Variants in ABCC9 observed in about 807,000 individuals in gnomAD.
The protein encoded by ABCC9 is ATP-binding cassette sub-family C member 9.
In ABCC9, 95 loss-of-function variants were observed where a neutral mutation model predicts 188.3. The ratio of observed to expected loss-of-function variants is 0.50; its 90% CI spans 0.43 to 0.60. The LOEUF (loss-of-function observed/expected upper bound fraction) is 0.60. Among genes scored for constraint, ABCC9 ranks in the 20% least tolerant of loss-of-function variants. The pLI is 0.00. For synonymous variants in ABCC9, 659 were observed against 652.7 expected (o/e 1.01, Z -0.15); for missense variants, 1,102 against 1,876.3 (o/e 0.59, Z 7.62).
intron 31 of ABCC9, among the ~76,000 whole-genome samples, chr12:21,823,240 T>C (rs2137233738): frequency 6.6e-6 from 1 of 152,320 alleles, no homozygotes; most frequent in African/African-American, 2.4e-5. Flanking sequence ...AAGATTCCCA[T>C]GTCGAAAGAG....
chr12:21,860,832 G>T, intron 21 of ABCC9, 139 bp downstream of exon 21: 1 of 689,050 alleles, frequency 1.5e-6, no homozygotes, highest in Non-Finnish European at 2.5e-6. Context: ...TCCCATCCTT[G>T]GTTTTCTGGA....
rs1949666423 is a variant in ABCC9 at position 21,941,095 on chromosome 12, G to A, written c.-137+105C>T. ...AGTGCCGAGAAGTGCGAGAGAGTGC[G>A]AGGGCGTTTTTGGATAGCAGAAATG... On this transcript the variant is annotated intron_variant, in intron 1 of 39. Transcript: ENST00000261200. This position sits in a 1 kb window ranked among gnomAD's most constrained non-coding sequence, Gnocchi z 5.4. The A allele has an allele frequency of 6.6e-6, 1 of 152,226 alleles. No homozygotes were observed. Among genetic ancestry groups the A allele is most frequent in the South Asian group, 2.1e-4 (1 of 4,838 alleles). The allele number at this position is 152,226 out of a possible 1,614,324, so 9.4% of individuals were successfully genotyped here.
intron 29 of ABCC9, among the ~76,000 whole-genome samples, chr12:21,841,707 T>C (rs941794121): frequency 3.3e-5 from 5 of 152,084 alleles, no homozygotes; most frequent in African/African-American, 9.7e-5. Flanking sequence ...AAAAGGACCA[T>C]GGAGTGAAAA....
chr12:21,812,824 T>C (rs556813325), intron 35 of ABCC9, among the ~76,000 whole-genome samples: 34 of 152,270 alleles, frequency 2.2e-4, no homozygotes, highest in African/African-American at 7.7e-4. Context: ...GTTCTGCACA[T>C]GTACCCCAGA....
At chr12:21,913,913 C>T (rs1370164857) in intron 7 of ABCC9, among the ~76,000 whole-genome samples, 3 of 152,092 alleles carry the variant, frequency 2.0e-5, no homozygotes, top group Non-Finnish European at 2.9e-5. Flanking sequence ...TTTATGTAGA[C>T]GTTAACACAC....
rs1360363021 is a variant in ABCC9, at chr12:21,845,624, G to A, written c.3075C>T (p.Asn1025=). The change falls in exon 26 of 40, where the codon AAC becomes AAT. Residue 1025 remains asparagine, a synonymous_variant. Coordinates refer to ENST00000261200, the MANE Select transcript of ABCC9 (RefSeq NM_020297.4). The part of the protein sequence containing the change: ...LATWTSEYSI[N]NTGKADQTYY... ...GTACCTGATCAGCTTTTCCAGTATT[G>A]TTTATACTGTACTCCGATGTCCATG... 2 of 1,613,134 alleles carry A rather than the reference G, an allele frequency of 1.2e-6. No individual in the cohort carries two copies. Among genetic ancestry groups the A allele is most frequent in the Non-Finnish European group, 1.7e-6 (2 of 1,179,462 alleles).
chr12:21,862,588 TC>T (rs1945575722), intron 20 of ABCC9, among the ~76,000 whole-genome samples: 2 of 152,114 alleles, frequency 1.3e-5, no homozygotes, highest in Non-Finnish European at 2.9e-5. Flanking sequence ...ATATTCTTCT[TC>T]TTTTCACAAT....
intron 19 of ABCC9, among the ~76,000 whole-genome samples, chr12:21,863,642 T>A (rs1945637295): frequency 6.6e-6 from 1 of 152,178 alleles, no homozygotes; most frequent in East Asian, 1.9e-4. Flanking sequence ...GCTTATATTT[T>A]AAAAATAACT....
intron 34 of ABCC9, among the ~76,000 whole-genome samples, chr12:21,815,208 A>G (rs984049681): frequency 6.6e-6 from 1 of 151,940 alleles, no homozygotes; most frequent in Non-Finnish European, 1.5e-5. Flanking sequence ...AAAATATAAA[A>G]ACAGTTCTCA....
Position 21,904,888 on chromosome 12 carries a change from A to G in ABCC9, c.1618+1238T>C, listed in dbSNP as rs1423051640. Among the ~76,000 whole-genome samples the G allele has an allele frequency of 1.9e-4, 29 of 152,362 alleles. No homozygotes were observed. The East Asian group carries it at 4.8e-3, about 25-fold the overall frequency. ...CAGTGTGGTGATTCCTCAAGGATCTAGAACTAGAAATACCATTTGACCCAG... is the reference window on the plus strand; with the variant it reads ...CAGTGTGGTGATTCCTCAAGGATCTGGAACTAGAAATACCATTTGACCCAG... On this transcript the variant is annotated intron_variant, in intron 12 of 39. Transcript: ENST00000261200.
In ABCC9 at chr12:21,887,594, T is replaced by G. The variant is rs190296916; in HGVS notation, c.1911+232A>C. Among the ~76,000 whole-genome samples the G allele has an allele frequency of 8.8e-4, 134 of 152,296 alleles. 2 individuals carry two copies. Among genetic ancestry groups the G allele is most frequent in the Non-Finnish European group, 7.2e-4 (49 of 68,010 alleles). On this transcript the variant is annotated intron_variant, in intron 15 of 39. Transcript: ENST00000261200. ...GCAAACTCTCAATTTCCTTTTGAATTAAACACGTCTTGTCTCTTAGGATAA... is the reference window on the plus strand; with the variant it reads ...GCAAACTCTCAATTTCCTTTTGAATGAAACACGTCTTGTCTCTTAGGATAA...
intron 12 of ABCC9, among the ~76,000 whole-genome samples, chr12:21,901,182 G>T (rs546079028): frequency 9.9e-5 from 15 of 152,280 alleles, no homozygotes; most frequent in African/African-American, 3.1e-4. Flanking sequence ...TTTCAACCCA[G>T]AATTTCATAT....
rs531754904 is a variant in ABCC9, at chr12:21,912,885, T to A, written c.998A>T (p.Asn333Ile). 1.9e-6 allele frequency: 3 copies of A among 1,613,538 alleles called. No homozygotes were observed. Among genetic ancestry groups the A allele is most frequent in the East Asian group, 2.2e-5 (1 of 44,854 alleles). Reference sequence around the variant, plus strand: ...CCAGGAACTTACTCCAGTTGTGTTATTTGTCCCATTCTGGGTTTCATTCAC... The same window carrying A: ...CCAGGAACTTACTCCAGTTGTGTTAATTGTCCCATTCTGGGTTTCATTCAC... Reference protein sequence around the residue: ...QRVNETQNGTNNTTGISETLS... With the variant: ...QRVNETQNGTINTTGISETLS... The change falls in exon 8 of 40, where the codon AAT becomes ATT. Residue 333 changes from asparagine (N) to isoleucine (I), a missense_variant. This residue lies in a region of ABCC9 where 305 missense variants were observed against 573.0 expected (regional missense o/e 0.53). Coordinates refer to ENST00000261200, the MANE Select transcript of ABCC9 (RefSeq NM_020297.4).
At chr12:21,875,514 G>A (rs923465576) in intron 17 of ABCC9, 140 bp downstream of exon 17, 21 of 644,850 alleles carry the variant, frequency 3.3e-5, no homozygotes, top group Admixed American at 2.7e-5. Flanking sequence ...ACAGTGGCTC[G>A]CAAGCACAAT....
rs1283812 is a variant in ABCC9, at chr12:21,829,347, A to G, written c.3567-287T>C. On this transcript the variant is annotated intron_variant, in intron 30 of 39. Transcript: ENST00000261200. ...CTCCTGAGTAGCTGGGACTACAGGC[A>G]CCCGCCACCATGCCCGGCTAATTTT... Among the ~76,000 whole-genome samples the G allele has an allele frequency of 0.23, 35,302 of 151,194 alleles. 4,339 individuals are homozygous for G. The highest frequency in any genetic ancestry group is 0.35 in the Middle Eastern group (102 of 292).
At position 21,935,983 on chromosome 12, in the gene ABCC9, A is replaced by T. The variant is rs539163604; in HGVS notation, c.142+550T>A. On this transcript the variant is annotated intron_variant, in intron 3 of 39. Coordinates refer to ENST00000261200, the MANE Select transcript of ABCC9 (RefSeq NM_020297.4). ...TTTGTGAATGTCCTCTTTCTACATA[A>T]AACACAACCTCATCACTCCCACTGT... is the stretch of plus-strand genomic sequence containing the variant. Among the ~76,000 whole-genome samples the T allele has an allele frequency of 7.2e-5, 11 of 152,260 alleles. No individual in the cohort carries two copies. In the South Asian group the frequency reaches 2.3e-3, roughly 32 times the overall value.
chr12:21,861,343 G>A (rs573850691), intron 20 of ABCC9, among the ~76,000 whole-genome samples: 4 of 151,378 alleles, frequency 2.6e-5, no homozygotes, highest in South Asian at 4.2e-4. Context: ...TGATTCTCCC[G>A]CCTCAGCCTC....
At chr12:21,822,243 C>T (rs1308523569) in intron 31 of ABCC9, among the ~76,000 whole-genome samples, 2 of 151,358 alleles carry the variant, frequency 1.3e-5, no homozygotes, top group Non-Finnish European at 2.9e-5. Context: ...AAAAGTCATT[C>T]AGGCTGTCTT....
At chr12:21,905,948 T>A (rs951809762) in intron 12 of ABCC9, among the ~76,000 whole-genome samples, 178 bp downstream of exon 12, 1 of 152,094 alleles carries the variant, frequency 6.6e-6, no homozygotes, top group Non-Finnish European at 1.5e-5. Context: ...GGTCTTTAAT[T>A]TAAATGTAAA....
Sources: gnomAD v4.1 joint callset for allele counts (sites outside exome capture counted in the v4.1 genomes callset) on GRCh38, gnomAD v4.1.1 for gene constraint, gnomAD v4.1.1 regional missense constraint, Gnocchi (gnomAD v3.1) non-coding constraint, MANE v1.5 for transcripts, NCBI Gene and HGNC (gene_info 2026-07-23, HGNC 2026-07-21) for gene names.